Variants in ZSCAN5A observed in about 807,000 individuals in gnomAD.
The protein encoded by ZSCAN5A is zinc finger and SCAN domain-containing protein 5A.
A neutral mutation model predicts 23.7 loss-of-function variants in ZSCAN5A; 12 were observed. The observed-to-expected ratio is 0.51, with a 90% CI of 0.32 to 0.82. The LOEUF is 0.82. Ranked by LOEUF, ZSCAN5A falls within the 40% of genes least tolerant of loss-of-function variation. The probability of loss-of-function intolerance (pLI) is 0.03; values close to 1 mark genes in which losing one functional copy is unlikely to be tolerated. For synonymous variants in ZSCAN5A, 257 were observed against 239.9 expected, an observed-to-expected ratio of 1.07 and a Z score of -0.66; for missense variants, 597 against 617.9, an observed-to-expected ratio of 0.97 and a Z score of 0.36.
At chr19:56,302,665 T>C (rs1487258144) in intron 2 of ZSCAN5A, among the ~76,000 whole-genome samples, 1 of 124,932 alleles carries the variant, frequency 8.0e-6, no homozygotes, top group Non-Finnish European at 1.7e-5. Context: ...CTCCCTGTTC[T>C]TTCCTTCCTC....
Position 56,276,752 on chromosome 19 carries a change from G to C in ZSCAN5A, c.-128+36531C>G, listed in dbSNP as rs181236156. ...GGGTTTCACCATGTTGGTCAGGCTG[G>C]TCTCGAACTCCTGACCTCAGGTGAT... is the stretch of plus-strand genomic sequence containing the variant. On this transcript the variant is annotated intron_variant, in intron 2 of 5. Transcript: ENST00000683990. Among the ~76,000 whole-genome samples the C allele has an allele frequency of 1.6e-4, 25 of 151,974 alleles. No homozygotes were observed. The East Asian group carries it at 4.7e-3, about 28-fold the overall frequency.
intron 2 of ZSCAN5A, chr19:56,244,327 C>T (rs772816861): frequency 1.4e-5 from 23 of 1,607,018 alleles, no homozygotes; most frequent in Middle Eastern, 2.2e-4. Flanking sequence ...TCATGATCTC[C>T]ATGCCCCAGG....
At chr19:56,255,285 A>G (rs1042516639) in intron 2 of ZSCAN5A, among the ~76,000 whole-genome samples, 1 of 152,114 alleles carries the variant, frequency 6.6e-6, no homozygotes, top group African/African-American at 2.4e-5. Flanking sequence ...AATTCCAAGA[A>G]CGTCAATATT....
At chr19:56,337,686 G>T (rs890062052) in intron 2 of ZSCAN5A, among the ~76,000 whole-genome samples, 4 of 152,178 alleles carry the variant, frequency 2.6e-5, no homozygotes, top group Non-Finnish European at 4.4e-5. Flanking sequence ...CACTCATGCT[G>T]GGAGCTGTAG....
rs372118564 is a variant in ZSCAN5A at position 56,222,059 on chromosome 19, G to A, written c.1007C>T (p.Pro336Leu). 6.2e-7 allele frequency: 1 copy of A among 1,614,126 alleles called. No homozygotes were observed. The highest frequency in any genetic ancestry group is 8.5e-7 in the Non-Finnish European group (1 of 1,180,020). Residue 336 changes from proline (P) to leucine (L), a missense_variant, in exon 6 of 6, where the codon CCA becomes CTA. Transcript: ENST00000683990. ...GQAGMNSIHSPGPASPVSHPD... is the reference protein window; with the variant it reads ...GQAGMNSIHSLGPASPVSHPD... ...GTGACTGACTGGGCTCGCAGGGCCT[G>A]GGGAATGAATTGAATTCATCCCAGC...
chr19:56,245,021 A>G (rs544298133), intron 2 of ZSCAN5A, among the ~76,000 whole-genome samples: 21 of 152,348 alleles, frequency 1.4e-4, no homozygotes, highest in African/African-American at 4.1e-4. Flanking sequence ...AGACCCTTTC[A>G]TCTAAAGGAC....
At chr19:56,310,103 C>T (rs1220295581) in intron 2 of ZSCAN5A, 1 of 152,318 alleles carries the variant, frequency 6.6e-6, no homozygotes, top group Non-Finnish European at 1.5e-5. Flanking sequence ...TGCACAAATA[C>T]ATTTCTCTCT....
chr19:56,302,627 C>CTTTTCT (rs2040409533), intron 2 of ZSCAN5A, among the ~76,000 whole-genome samples: 2 of 125,732 alleles, frequency 1.6e-5, no homozygotes, highest in Non-Finnish European at 3.4e-5. Context: ...TCCTCCCTCC[C>CTTTTCT]TCCTCCTCCC....
At chr19:56,272,030 C>T (rs2037884746) in intron 2 of ZSCAN5A, among the ~76,000 whole-genome samples, 1 of 152,166 alleles carries the variant, frequency 6.6e-6, no homozygotes. Flanking sequence ...GATAGTATCA[C>T]ATTAGCCTGG....
rs371491455 is a variant in ZSCAN5A, at chr19:56,266,493, C to CCTTTTTTTTTTTTTTTTTTTTT, written c.-127-41321_-127-41320insAAAAAAAAAAAAAAAAAAAAAG. On this transcript the variant is annotated intron_variant, in intron 2 of 5. Coordinates refer to ENST00000683990, the MANE Select transcript of ZSCAN5A (RefSeq NM_001322064.3). Reference sequence around the variant, plus strand: ...GCTTTCTGCTTGGGAGATGCCCCCACTTTTTTTTTTTTTTTTTTTTTTGAG... The same window carrying CCTTTTTTTTTTTTTTTTTTTTT: ...GCTTTCTGCTTGGGAGATGCCCCCACCTTTTTTTTTTTTTTTTTTTTTTTTTTTTTTTTTTTTTTTTTTTGAG... 1.7e-4 allele frequency: 10 copies of CCTTTTTTTTTTTTTTTTTTTTT among 58,002 alleles called. 2 individuals carry two copies. Among genetic ancestry groups the CCTTTTTTTTTTTTTTTTTTTTT allele is most frequent in the Non-Finnish European group, 1.3e-4 (4 of 29,720 alleles). 3.6% of individuals were successfully genotyped at this position (58,002 alleles called of 1,614,324 possible). A position where few individuals can be genotyped will look rare whatever the true frequency, so the allele number is the denominator to read the frequency against.
chr19:56,222,100 T>G lies in ZSCAN5A; in HGVS notation c.966A>C (p.Arg322Ser), dbSNP rs140003734. ...TCATCCCAGCTTGTCCCGGGGATTC[T>G]CTGTTGCCCACAGGTGTGGCTTCTC... Reference protein sequence around the residue: ...PQGEATPVGNRESPGQAGMNS... With the variant: ...PQGEATPVGNSESPGQAGMNS... The change falls in exon 6 of 6, where the codon AGA (arginine) becomes AGC (serine). Residue 322 changes from arginine (R) to serine (S), a missense_variant. Arg to Ser is a moderately radical substitution (Grantham distance 110). Transcript: ENST00000683990. 9.0e-5 allele frequency: 146 copies of G among 1,614,168 alleles called. No individual in the cohort carries two copies. The African/African-American group carries it at 1.8e-3, about 20-fold the overall frequency.
At chr19:56,227,031 G>A (rs79495821) in intron 2 of ZSCAN5A, among the ~76,000 whole-genome samples, 1 of 152,256 alleles carries the variant, frequency 6.6e-6, no homozygotes, top group East Asian at 1.9e-4. Context: ...CTGGGGTAGG[G>A]GTTGGGAAGA....
intron 2 of ZSCAN5A, among the ~76,000 whole-genome samples, chr19:56,298,413 G>A (rs926858479): frequency 7.2e-5 from 11 of 152,164 alleles, no homozygotes; most frequent in East Asian, 1.9e-4. Flanking sequence ...CGAGGCAGGC[G>A]GATCACAAGG....
chr19:56,234,882 G>A (rs1214969063), intron 2 of ZSCAN5A, among the ~76,000 whole-genome samples: 3 of 152,236 alleles, frequency 2.0e-5, no homozygotes, highest in African/African-American at 7.2e-5. Context: ...CTACAACTCG[G>A]TGTCTGAGAG....
At chr19:56,222,425 C>A in intron 5 of ZSCAN5A, 99 bp from the exon 6 acceptor site, 2 of 1,566,454 alleles carry the variant, frequency 1.3e-6, no homozygotes, top group South Asian at 1.2e-5. Flanking sequence ...AACTTCCGCT[C>A]AAGCTCAAGC....
intron 2 of ZSCAN5A, among the ~76,000 whole-genome samples, chr19:56,339,810 T>C (rs35397317): frequency 3.0e-3 from 293 of 97,724 alleles, no homozygotes; most frequent in Middle Eastern, 7.9e-3. Context: ...GAAGGAGCGG[T>C]TGTAGCCGCA....
intron 2 of ZSCAN5A, among the ~76,000 whole-genome samples, chr19:56,259,369 C>T (rs146640937): frequency 5.3e-5 from 8 of 152,100 alleles, no homozygotes; most frequent in African/African-American, 1.9e-4. Flanking sequence ...TGGCTGCACC[C>T]TGTAATTCTG....
chr19:56,318,526 G>T (rs2041340759), upstream of ZSCAN5A, among the ~76,000 whole-genome samples: 1 of 152,126 alleles, frequency 6.6e-6, no homozygotes, highest in Admixed American at 6.5e-5. Flanking sequence ...TACTGAGCTT[G>T]CACTGGCTAT....
At chr19:56,345,701 G>A (rs888040768) in intron 2 of ZSCAN5A, among the ~76,000 whole-genome samples, 3 of 152,102 alleles carry the variant, frequency 2.0e-5, no homozygotes, top group Admixed American at 6.6e-5. Flanking sequence ...TGAGCTCTGG[G>A]CAGAAACCCA....
Sources: allele counts gnomAD v4.1 joint callset (sites outside exome capture counted in the v4.1 genomes callset), GRCh38; gene constraint gnomAD v4.1.1; transcripts MANE v1.5; gene names NCBI Gene and HGNC (gene_info 2026-07-23, HGNC 2026-07-21).